Variants in PRKN observed in about 807,000 individuals in gnomAD.
PRKN encodes E3 ubiquitin-protein ligase parkin.
In PRKN, 56 loss-of-function variants were observed where a neutral mutation model predicts 59.5. The ratio of observed to expected loss-of-function variants is 0.94; its 90% CI spans 0.76 to 1.18. The LOEUF is 1.18. Among genes scored for constraint, PRKN ranks in the 50% most tolerant of loss-of-function variants. PRKN has a pLI of 0.00. For synonymous variants in PRKN, 250 were observed against 222.1 expected, an observed-to-expected ratio of 1.13 and a Z score of -1.12; for missense variants, 657 against 596.4, an observed-to-expected ratio of 1.10 and a Z score of -1.06.
chr6:162,326,227 A>G (rs1000423152), intron 2 of PRKN, among the ~76,000 whole-genome samples: 1 of 152,212 alleles, frequency 6.6e-6, no homozygotes, highest in African/African-American at 2.4e-5. Context: ...CAAATTAAAT[A>G]CACGAATCAT....
At chr6:162,166,702 G>A (rs974278135) in intron 4 of PRKN, among the ~76,000 whole-genome samples, 1 of 152,108 alleles carries the variant, frequency 6.6e-6, no homozygotes, top group Non-Finnish European at 1.5e-5. Context: ...AGCCAACAAA[G>A]GAAATAGAGT....
intron 2 of PRKN, among the ~76,000 whole-genome samples, chr6:162,300,361 A>T (rs1781887502): frequency 6.6e-6 from 1 of 152,144 alleles, no homozygotes; most frequent in African/African-American, 2.4e-5. Context: ...AAAAGGTATT[A>T]CAGTTATCCA....
chr6:161,360,409 G>A lies in PRKN; in HGVS notation c.1168-204C>T, dbSNP rs911559193. 2.6e-5 allele frequency among the ~76,000 whole-genome samples: 4 copies of A among 152,350 alleles called. No homozygotes were observed. The highest frequency in any genetic ancestry group is 2.1e-4 in the South Asian group (1 of 4,830). On this transcript the variant is annotated intron_variant, in intron 10 of 11. Coordinates refer to ENST00000366898, the MANE Select transcript of PRKN (RefSeq NM_004562.3). This position sits in a 1 kb window ranked among gnomAD's most constrained non-coding sequence, Gnocchi z 5.1. The stretch of plus-strand genomic sequence containing the variant: ...TCCCTGGCATGTGGCGTATGCGTAG[G>A]AGCGGGGAAGAGATTGTTTGGTTTT...
chr6:161,439,946 G>A (rs1341933240), intron 9 of PRKN, among the ~76,000 whole-genome samples: 1 of 137,016 alleles, frequency 7.3e-6, no homozygotes, highest in Non-Finnish European at 1.6e-5. Flanking sequence ...TTTTTGTTTT[G>A]TTTTGTTTTT....
intron 7 of PRKN, chr6:161,783,526 T>C: frequency 2.2e-6 from 1 of 444,482 alleles, no homozygotes; most frequent in Non-Finnish European, 4.3e-6. Context: ...TTCCTTACTT[T>C]TGTATGTTTG....
chr6:162,664,768 A>G lies in PRKN; in HGVS notation c.7+62894T>C, dbSNP rs552370961. On this transcript the variant is annotated intron_variant, in intron 1 of 11. Transcript: ENST00000366898. ...TTGTAAATATGTTTAAGTTCCTTGTAAATTCTGTATATTAGACTTTGTCAG... is the reference window on the plus strand; with the variant it reads ...TTGTAAATATGTTTAAGTTCCTTGTGAATTCTGTATATTAGACTTTGTCAG... 2.6e-5 allele frequency among the ~76,000 whole-genome samples: 4 copies of G among 152,012 alleles called. No homozygotes were observed. The East Asian group carries it at 7.8e-4, about 29-fold the overall frequency.
chr6:161,686,728 G>A (rs1341893517), intron 7 of PRKN, among the ~76,000 whole-genome samples: 1 of 152,026 alleles, frequency 6.6e-6, no homozygotes, highest in African/African-American at 2.4e-5. Context: ...GTCTGCCTTC[G>A]TATCTTTGCT....
At chr6:162,387,234 CAAAA>C (rs34452454) in intron 2 of PRKN, among the ~76,000 whole-genome samples, 47,508 of 101,092 alleles carry the variant, frequency 0.47, 8,932 homozygotes, top group East Asian at 0.7. Flanking sequence ...AAAAAATAAG[CAAAA>C]AAAAAAAAAA....
chr6:162,376,657 T>C (rs1391050608), intron 2 of PRKN, among the ~76,000 whole-genome samples: 1 of 148,862 alleles, frequency 6.7e-6, no homozygotes, highest in African/African-American at 2.5e-5. Context: ...TGTGTAAACA[T>C]ACTAGACAGC....
chr6:162,349,423 C>T (rs750764395), intron 2 of PRKN, among the ~76,000 whole-genome samples: 2 of 152,050 alleles, frequency 1.3e-5, no homozygotes, highest in African/African-American at 2.4e-5. Flanking sequence ...GCTGAGATCG[C>T]GCCACTGCAC....
At chr6:162,611,012 C>T (rs1782123668) in intron 1 of PRKN, among the ~76,000 whole-genome samples, 1 of 152,020 alleles carries the variant, frequency 6.6e-6, no homozygotes, top group African/African-American at 2.4e-5. Context: ...ATTTATTTCC[C>T]TAAGAAATAG....
chr6:161,895,691 A>G (rs1777599022), intron 6 of PRKN, among the ~76,000 whole-genome samples: 1 of 147,212 alleles, frequency 6.8e-6, no homozygotes, highest in African/African-American at 2.6e-5. Context: ...TATGCCCCCC[A>G]GTGAGGCTTC....
At chr6:162,312,357 C>T (rs962101115) in intron 2 of PRKN, among the ~76,000 whole-genome samples, 3 of 152,044 alleles carry the variant, frequency 2.0e-5, no homozygotes, top group South Asian at 2.1e-4. Flanking sequence ...TAACTGGCTT[C>T]TGTTCATTTC....
chr6:161,995,230 G>C (rs1401370656), intron 5 of PRKN, among the ~76,000 whole-genome samples: 2 of 152,124 alleles, frequency 1.3e-5, no homozygotes, highest in East Asian at 3.9e-4. Flanking sequence ...ATGTATACAA[G>C]AAGAATGAAA....
In PRKN at chr6:161,470,448, G is replaced by T. The variant is rs1001445276; in HGVS notation, c.1083+78406C>A. On this transcript the variant is annotated intron_variant, in intron 9 of 11. Coordinates refer to ENST00000366898, the MANE Select transcript of PRKN (RefSeq NM_004562.3). This position sits in a 1 kb window ranked among gnomAD's most constrained non-coding sequence, Gnocchi z 5.1. ...TGAACACTCAAGAGTAATTCTCAAC[G>T]GATCAGAACTTCCTGAGAGCAGGAC... 6.6e-6 allele frequency among the ~76,000 whole-genome samples: 1 copy of T among 152,112 alleles called. No homozygotes were observed. Among genetic ancestry groups the T allele is most frequent in the Non-Finnish European group, 1.5e-5 (1 of 68,028 alleles).
At chr6:161,879,132 A>C (rs1274872465) in intron 6 of PRKN, among the ~76,000 whole-genome samples, 2 of 152,114 alleles carry the variant, frequency 1.3e-5, no homozygotes, top group African/African-American at 4.8e-5. Flanking sequence ...TTCTCCGTTA[A>C]GTTAGGAAGC....
intron 9 of PRKN, among the ~76,000 whole-genome samples, chr6:161,394,915 A>C (rs565215237): frequency 2.0e-5 from 3 of 152,342 alleles, no homozygotes; most frequent in East Asian, 3.9e-4. Context: ...CCATAACTTA[A>C]AGGGAAAATA....
At chr6:161,780,551 A>G (rs1309746744) in intron 7 of PRKN, among the ~76,000 whole-genome samples, 4 of 152,202 alleles carry the variant, frequency 2.6e-5, no homozygotes, top group Non-Finnish European at 5.9e-5. Flanking sequence ...AAGAATAATG[A>G]ATAACTTATC....
At chr6:162,523,012 T>A (rs1165682462) in intron 1 of PRKN, among the ~76,000 whole-genome samples, 1 of 152,216 alleles carries the variant, frequency 6.6e-6, no homozygotes, top group Non-Finnish European at 1.5e-5. Flanking sequence ...CATCGAAACC[T>A]TGGAGTCATG....
Sources: allele counts gnomAD v4.1 joint callset (sites outside exome capture counted in the v4.1 genomes callset), GRCh38; gene constraint gnomAD v4.1.1; non-coding constraint Gnocchi (gnomAD v3.1); transcripts MANE v1.5; gene names NCBI Gene and HGNC (gene_info 2026-07-23, HGNC 2026-07-21).